MSI2: variants seen among roughly 807,000 people sequenced by gnomAD.
The protein encoded by MSI2 is musashi RNA binding protein 2.
A neutral mutation model predicts 45.6 loss-of-function variants in MSI2; 17 were observed. The observed-to-expected ratio is 0.37, with a 90% confidence interval of 0.26 to 0.56. The LOEUF is 0.56. Ranked by LOEUF, MSI2 falls within the 20% of genes least tolerant of loss-of-function variation. MSI2 has a pLI of 0.77. For missense variants in MSI2, 293 were observed against 444.2 expected, an observed-to-expected ratio of 0.66 and a Z score of 3.06; for synonymous variants, 156 against 158.2, an observed-to-expected ratio of 0.99 and a Z score of 0.11.
chr17:57,580,614 T>A (rs2144363404), intron 7 of MSI2, among the ~76,000 whole-genome samples: 1 of 152,222 alleles, frequency 6.6e-6, no homozygotes, highest in Non-Finnish European at 1.5e-5. Flanking sequence ...CTAAAGCAAT[T>A]TGGATGGCTG....
chr17:57,522,012 G>A lies in MSI2; in HGVS notation c.406-7664G>A, dbSNP rs141712327. On this transcript the variant is annotated intron_variant, in intron 6 of 13. Transcript: ENST00000284073. ...ACTACACATTATTCCTGAGCTTTAC[G>A]GAAGGAACCGATTTGGGTTTTGCCT... Among the ~76,000 whole-genome samples the A allele has an allele frequency of 7.7e-4, 118 of 152,284 alleles. 7 individuals carry two copies. The East Asian group carries it at 0.014, about 19-fold the overall frequency.
intron 7 of MSI2, among the ~76,000 whole-genome samples, chr17:57,545,234 C>T (rs966876250): frequency 1.3e-5 from 2 of 152,010 alleles, no homozygotes. Context: ...CCTAGTGGAC[C>T]GTGGGGTGGG....
chr17:57,627,406 C>T lies in MSI2; in HGVS notation c.727+103C>T. ...AGAGAATGCATTTCTTACATGCATC[C>T]ACTTGAAAATGACCTATACATGATA... On this transcript the variant is annotated intron_variant, in intron 10 of 13. Transcript: ENST00000284073. The surrounding 1 kb of genome is among the most constrained non-coding windows in gnomAD (Gnocchi z 4.6). The T allele has an allele frequency of 9.9e-7, 1 of 1,011,336 alleles. No individual in the cohort carries two copies. Among genetic ancestry groups the T allele is most frequent in the Non-Finnish European group, 1.6e-6 (1 of 635,712 alleles). The allele number at this position is 1,011,336 out of a possible 1,614,324, so 62.6% of individuals were successfully genotyped here. A position where few individuals can be genotyped will look rare whatever the true frequency, so the allele number is the denominator to read the frequency against.
At chr17:57,262,036 T>A (rs750232763) in intron 4 of MSI2, 115 bp from the exon 5 acceptor site, 15 of 1,118,944 alleles carry the variant, frequency 1.3e-5, no homozygotes, top group Non-Finnish European at 1.7e-5. Context: ...CCTGAGAAGT[T>A]ACTAAAAGCT....
intron 5 of MSI2, among the ~76,000 whole-genome samples, chr17:57,322,579 C>G (rs1274184200): frequency 6.6e-6 from 1 of 152,068 alleles, no homozygotes; most frequent in African/African-American, 2.4e-5. Context: ...ATAAATCAAC[C>G]CTTAATCGAA....
chr17:57,472,111 G>T (rs1040404999), intron 6 of MSI2, among the ~76,000 whole-genome samples: 4 of 152,170 alleles, frequency 2.6e-5, no homozygotes, highest in African/African-American at 9.7e-5. Flanking sequence ...GTTGCTGCCG[G>T]TTCCTGCCTG....
chr17:57,576,091 T>G (rs2088039284), intron 7 of MSI2, among the ~76,000 whole-genome samples: 1 of 152,214 alleles, frequency 6.6e-6, no homozygotes. Context: ...GAATCATTTG[T>G]AAGACAGACA....
At chr17:57,287,055 A>T (rs1418218279) in intron 5 of MSI2, among the ~76,000 whole-genome samples, 1 of 152,152 alleles carries the variant, frequency 6.6e-6, no homozygotes, top group East Asian at 1.9e-4. Flanking sequence ...TTTAAAAAGA[A>T]AGAAAAAAAG....
At chr17:57,536,514 G>A (rs1433595335) in intron 7 of MSI2, among the ~76,000 whole-genome samples, 1 of 152,204 alleles carries the variant, frequency 6.6e-6, no homozygotes, top group Non-Finnish European at 1.5e-5. Flanking sequence ...TTTGCTGCCT[G>A]TCTTCCCTGC....
In MSI2 at chr17:57,615,867, G is replaced by C; in HGVS notation, c.538-103G>C. The C allele has an allele frequency of 2.3e-6, 2 of 869,754 alleles. 1 individual carries two copies. The highest frequency in any genetic ancestry group is 3.1e-5 in the South Asian group (2 of 64,362). 53.9% of individuals were successfully genotyped at this position (869,754 alleles called of 1,614,324 possible). A position where few individuals can be genotyped will look rare whatever the true frequency, so the allele number is the denominator to read the frequency against. On this transcript the variant is annotated intron_variant, in intron 8 of 13. Coordinates refer to ENST00000284073, the MANE Select transcript of MSI2 (RefSeq NM_138962.4). ...CATGGCTATTTTTACAGTGGGTAAG[G>C]AGCAAGGCTAAAAATAACTTAGCTC...
chr17:57,313,426 C>T (rs1030326818), intron 5 of MSI2, among the ~76,000 whole-genome samples: 1 of 152,192 alleles, frequency 6.6e-6, no homozygotes, highest in Admixed American at 6.5e-5. Context: ...GAATTGAAGA[C>T]CTTTTGTGTA....
At chr17:57,420,781 G>A (rs747520022) in intron 6 of MSI2, among the ~76,000 whole-genome samples, 4 of 152,148 alleles carry the variant, frequency 2.6e-5, no homozygotes, top group Non-Finnish European at 5.9e-5. Context: ...AGGCCAATGA[G>A]GAGCTTAATT....
At chr17:57,475,542 A>AT (rs918729931) in intron 6 of MSI2, among the ~76,000 whole-genome samples, 1 of 151,794 alleles carries the variant, frequency 6.6e-6, no homozygotes, top group African/African-American at 2.4e-5. Flanking sequence ...ACCTGAAGAC[A>AT]TTTTTTTTCA....
rs984323628 is a variant in MSI2, at chr17:57,682,163, GA to G, written c.*2654del. ...AAGGATAGAACTTTCTCTTATTTAT[GA>G]AAAAAAATGCTAATAATTTTGGGGC... On this transcript the variant is annotated 3_prime_UTR_variant, in exon 14 of 14. Transcript: ENST00000284073. 6 of 192,150 alleles carry G rather than the reference GA, an allele frequency of 3.1e-5. No individual in the cohort carries two copies. The highest frequency in any genetic ancestry group is 4.7e-5 in the African/African-American group (2 of 42,898). 11.9% of individuals were successfully genotyped at this position (192,150 alleles called of 1,614,324 possible).
At chr17:57,334,848 T>C (rs1218636205) in intron 5 of MSI2, among the ~76,000 whole-genome samples, 5 of 150,648 alleles carry the variant, frequency 3.3e-5, no homozygotes, top group Admixed American at 1.3e-4. Context: ...TGGACTGAGA[T>C]GGAGGAAAAG....
At chr17:57,357,823 C>G (rs932197673) in intron 5 of MSI2, among the ~76,000 whole-genome samples, 1 of 152,138 alleles carries the variant, frequency 6.6e-6, no homozygotes, top group Admixed American at 6.5e-5. Flanking sequence ...CTTAGTGTTC[C>G]GATTAATACA....
intron 7 of MSI2, among the ~76,000 whole-genome samples, chr17:57,587,694 G>A (rs1904430728): frequency 6.6e-6 from 1 of 152,186 alleles, no homozygotes; most frequent in Non-Finnish European, 1.5e-5. Flanking sequence ...CCTTGCCTGT[G>A]CTTGAGCCAC....
chr17:57,500,162 G>A (rs1470691509), intron 6 of MSI2, among the ~76,000 whole-genome samples: 1 of 152,112 alleles, frequency 6.6e-6, no homozygotes, highest in African/African-American at 2.4e-5. Flanking sequence ...GGACGGGTAG[G>A]AGGTCTTATT....
rs1442791602 is a variant in MSI2 at position 57,681,414 on chromosome 17, T to G, written c.*1897T>G. The G allele has an allele frequency of 1.7e-5, 3 of 179,100 alleles. No homozygotes were observed. Among genetic ancestry groups the G allele is most frequent in the Non-Finnish European group, 3.6e-5 (3 of 83,576 alleles). The allele number at this position is 179,100 out of a possible 1,614,324, so 11.1% of individuals were successfully genotyped here. The stretch of plus-strand genomic sequence containing the variant: ...TTGTTACGTTTATAAATTTGGTACT[T>G]AAGGCACAGCCAGTATGAGACACTG... On this transcript the variant is annotated 3_prime_UTR_variant, in exon 14 of 14. Coordinates refer to ENST00000284073, the MANE Select transcript of MSI2 (RefSeq NM_138962.4).
Sources: gnomAD v4.1 joint callset for allele counts (sites outside exome capture counted in the v4.1 genomes callset) on GRCh38, gnomAD v4.1.1 for gene constraint, Gnocchi (gnomAD v3.1) non-coding constraint, MANE v1.5 for transcripts, NCBI Gene and HGNC (gene_info 2026-07-23, HGNC 2026-07-21) for gene names.